ODF2: variants seen among roughly 807,000 people sequenced by gnomAD.
ODF2 encodes outer dense fiber of sperm tails 2.
A neutral mutation model predicts 110.2 loss-of-function variants in ODF2; 47 were observed. The ratio of observed to expected loss-of-function variants is 0.43; its 90% CI spans 0.34 to 0.54. ODF2 has a LOEUF of 0.54. ODF2 is among the 20% of genes least tolerant of loss of function. The pLI is 0.03. For synonymous variants in ODF2, 352 were observed against 397.7 expected, an observed-to-expected ratio of 0.89 and a Z score of 1.37; for missense variants, 812 against 1,054.5, an observed-to-expected ratio of 0.77 and a Z score of 3.19.
At chr9:128,483,580 CAAA>C (rs146802585) in intron 10 of ODF2, among the ~76,000 whole-genome samples, 5 of 107,212 alleles carry the variant, frequency 4.7e-5, no homozygotes, top group African/African-American at 7.0e-5. Context: ...TACCCTGTCT[CAAA>C]AAAAAAAAAA....
chr9:128,456,616 C>G, intron 1 of ODF2: 1 of 1,514,172 alleles, frequency 6.6e-7, no homozygotes. Context: ...AGAGGCTCTC[C>G]CTCGCTCTGC....
At chr9:128,465,116 G>T (rs1001167227) in intron 4 of ODF2, among the ~76,000 whole-genome samples, 41 of 152,136 alleles carry the variant, frequency 2.7e-4, no homozygotes, top group Admixed American at 1.8e-3. Context: ...CAGCCCCATT[G>T]CCAAATCCTA....
At chr9:128,467,056 T>G (rs1379682767) in intron 4 of ODF2, among the ~76,000 whole-genome samples, 10 of 90,024 alleles carry the variant, frequency 1.1e-4, no homozygotes, top group East Asian at 3.9e-4. Context: ...TATATATATA[T>G]AGTCATATAT....
upstream of ODF2, among the ~76,000 whole-genome samples, chr9:128,455,607 G>A (rs1325298742): frequency 7.2e-6 from 1 of 138,212 alleles, no homozygotes; most frequent in East Asian, 2.1e-4. Flanking sequence ...CAGGAAGGTA[G>A]TGAACAGAAC....
chr9:128,482,878 A>G, exon 10 of ODF2: 2 of 1,604,932 alleles, frequency 1.2e-6, no homozygotes, highest in African/African-American at 2.7e-5. Context: ...AGGAAATACA[A>G]TGTGAGAAGG....
chr9:128,473,473 C>T, intron 7 of ODF2, 137 bp from the exon 8 acceptor site: 7 of 1,380,836 alleles, frequency 5.1e-6, no homozygotes, highest in Non-Finnish European at 6.7e-6. Context: ...AGGAAACCTG[C>T]CCTTGATCAC....
At chr9:128,499,598 C>CGTTTTGTTTTGTTTTGTTTT (rs113483745) in intron 20 of ODF2, among the ~76,000 whole-genome samples, 8 of 151,600 alleles carry the variant, frequency 5.3e-5, no homozygotes, top group African/African-American at 1.9e-4. Context: ...CCCAGACTCA[C>CGTTTTGTTTTGTTTTGTTTT]GTTTTGTTTT....
chr9:128,500,882 T>A (rs1284119979), downstream of ODF2: 1 of 152,228 alleles, frequency 6.6e-6, no homozygotes, highest in Non-Finnish European at 1.5e-5. Flanking sequence ...TTGTTTCTTT[T>A]GGCCTGATTT....
chr9:128,475,329 G>T (rs1209533765), intron 8 of ODF2, among the ~76,000 whole-genome samples: 1 of 137,484 alleles, frequency 7.3e-6, no homozygotes, highest in African/African-American at 2.9e-5. Context: ...ACCAAGGGAT[G>T]ACTGTAGTTC....
intron 13 of ODF2, 141 bp from the exon 14 acceptor site, chr9:128,487,749 T>C: frequency 2.1e-6 from 2 of 947,018 alleles, no homozygotes; most frequent in Non-Finnish European, 3.1e-6. Flanking sequence ...ATCGCGCCAC[T>C]GCACTCCAGC....
chr9:128,459,144 C>A (rs1835747416), intron 2 of ODF2, among the ~76,000 whole-genome samples: 1 of 152,138 alleles, frequency 6.6e-6, no homozygotes, highest in African/African-American at 2.4e-5. Flanking sequence ...GGCTTGTGGC[C>A]ACTAATGCTC....
chr9:128,456,436 C>T (rs1834800109), intron 1 of ODF2, 181 bp downstream of exon 1: 4 of 1,508,094 alleles, frequency 2.7e-6, no homozygotes, highest in Non-Finnish European at 3.5e-6. Flanking sequence ...CGGCGCGGGG[C>T]CTCTCCTCCT....
intron 14 of ODF2, among the ~76,000 whole-genome samples, chr9:128,488,824 C>T (rs369674699): frequency 2.3e-4 from 35 of 152,028 alleles, no homozygotes; most frequent in African/African-American, 8.2e-4. Flanking sequence ...GCCAACATAG[C>T]GAAACCCTGT....
At chr9:128,468,896 G>C (rs762722373) in intron 4 of ODF2, 3 of 314,206 alleles carry the variant, frequency 9.5e-6, no homozygotes, top group African/African-American at 2.2e-5. Flanking sequence ...TCCCGCCTCG[G>C]CCTCCCAATA....
At chr9:128,461,833 A>C (rs1332432250) in intron 4 of ODF2, among the ~76,000 whole-genome samples, 1 of 152,236 alleles carries the variant, frequency 6.6e-6, no homozygotes, top group Admixed American at 6.5e-5. Flanking sequence ...TACCTCATAA[A>C]ACTATGTCAA....
At chr9:128,496,062 C>A in exon 18 of ODF2, 1 of 1,613,848 alleles carries the variant, frequency 6.2e-7, no homozygotes. Context: ...GGGGGACAAG[C>A]TGGAGATGGC....
downstream of ODF2, chr9:128,500,521 C>A: frequency 2.5e-6 from 1 of 398,832 alleles, no homozygotes; most frequent in South Asian, 4.9e-5. Context: ...ATTAGGGTAC[C>A]ACATTTTAAC....
chr9:128,491,866 CTT>C (rs753406341), intron 14 of ODF2, among the ~76,000 whole-genome samples: 11 of 130,926 alleles, frequency 8.4e-5, no homozygotes, highest in Admixed American at 7.8e-5. Context: ...TCCCCATTTT[CTT>C]TTTTTTTTTT....
At chr9:128,472,958 C>T (rs1840392478) in exon 7 of ODF2, 1 of 1,614,016 alleles carries the variant, frequency 6.2e-7, no homozygotes, top group Admixed American at 1.7e-5. Flanking sequence ...GCCTCATGTC[C>T]AAGCTGGTGG....
Sources: allele counts gnomAD v4.1 joint callset (sites outside exome capture counted in the v4.1 genomes callset), GRCh38; gene constraint gnomAD v4.1.1; transcripts MANE v1.5; gene names NCBI Gene and HGNC (gene_info 2026-07-23, HGNC 2026-07-21).